The following APBB2 variants were observed in gnomAD, a reference collection of about 807,000 sequenced individuals.
APBB2 encodes the protein Fe65-like 1.
Under a neutral mutation model 82.5 loss-of-function variants are expected in APBB2, and 38 were observed. That is an observed-to-expected ratio of 0.46 (90% CI 0.36 to 0.60). The LOEUF is 0.60. Ranked by LOEUF, APBB2 falls within the 20% of genes least tolerant of loss-of-function variation. The pLI, the probability that APBB2 is intolerant of heterozygous loss-of-function variation, is 0.00. For synonymous variants in APBB2, 341 were observed against 368.2 expected (o/e 0.93, Z 0.85); for missense variants, 772 against 972.3 (o/e 0.79, Z 2.74).
At chr4:40,880,135 G>A in intron 12 of APBB2, 1 of 985,406 alleles carries the variant, frequency 1.0e-6, no homozygotes, top group Non-Finnish European at 1.2e-6. Flanking sequence ...TGGAGACAGT[G>A]GCACACAGAG....
intron 2 of APBB2, among the ~76,000 whole-genome samples, chr4:41,112,742 C>T (rs531194562): frequency 6.6e-6 from 1 of 152,294 alleles, no homozygotes; most frequent in East Asian, 1.9e-4. Context: ...GTAATCCCAG[C>T]ACTTTGGGAG....
At chr4:41,128,219 A>G (rs1754950488) in intron 2 of APBB2, among the ~76,000 whole-genome samples, 1 of 152,230 alleles carries the variant, frequency 6.6e-6, no homozygotes, top group African/African-American at 2.4e-5. Flanking sequence ...ACAATGATAT[A>G]CTGTCTTATA....
In APBB2 at chr4:41,013,950, C is replaced by T. The variant is rs778352305; in HGVS notation, c.468G>A (p.Arg156=). The T allele has an allele frequency of 1.2e-6, 2 of 1,614,046 alleles. No homozygotes were observed. The highest frequency in any genetic ancestry group is 2.7e-5 in the African/African-American group (2 of 74,918). ...SSCEILPSQP[R]RTKSFLNYYA... is the part of the protein sequence containing the mutation. The stretch of plus-strand genomic sequence containing the variant: ...AGTAATTTAGGAAGCTCTTAGTTCT[C>T]CTGGGCTGGGAGGGTAAAATCTCAC... Residue 156 remains arginine, a synonymous_variant, in exon 6 of 18, where the codon AGG becomes AGA. Coordinates refer to ENST00000508593, the MANE Select transcript of APBB2 (RefSeq NM_004307.2).
chr4:40,944,553 C>G (rs1483017654), intron 7 of APBB2, among the ~76,000 whole-genome samples: 1 of 152,156 alleles, frequency 6.6e-6, no homozygotes, highest in East Asian at 1.9e-4. Flanking sequence ...TGCAATGGTA[C>G]CTGCAGAGTA....
chr4:41,082,884 T>G (rs1738156714), intron 3 of APBB2, among the ~76,000 whole-genome samples: 1 of 152,118 alleles, frequency 6.6e-6, no homozygotes, highest in African/African-American at 2.4e-5. Flanking sequence ...AAATATAGGC[T>G]GTGCACGGTG....
intron 10 of APBB2, among the ~76,000 whole-genome samples, chr4:40,919,115 G>A (rs1238825494): frequency 1.3e-5 from 2 of 152,244 alleles, no homozygotes; most frequent in Admixed American, 6.5e-5. Flanking sequence ...TTCCATTGTG[G>A]CTGAACCACT....
rs1553935540 is a variant in APBB2 at position 40,845,613 on chromosome 4, A to AAC, written c.1530-15037_1530-15036insGT. Among the ~76,000 whole-genome samples, 35 of 140,678 alleles carry AAC rather than the reference A, an allele frequency of 2.5e-4. 1 individual carries two copies. Among genetic ancestry groups the AAC allele is most frequent in the Non-Finnish European group, 4.6e-4 (29 of 62,822 alleles). The allele number at this position is 140,678 out of a possible 152,430, so 92.3% of individuals were successfully genotyped here. On this transcript the variant is annotated intron_variant, in intron 12 of 17. Transcript: ENST00000508593. ...CAAAAAAAAAAAAAAAAAAAAAAAA[A>AAC]AACCAGCACACCAGAATGACAATGT...
At chr4:40,923,263 C>T (rs564173809) in intron 10 of APBB2, among the ~76,000 whole-genome samples, 12 of 152,358 alleles carry the variant, frequency 7.9e-5, no homozygotes, top group East Asian at 5.8e-4. Context: ...GCGTGAGCCA[C>T]GGTCGTGCCC....
At chr4:41,021,179 C>A (rs1029948935) in intron 5 of APBB2, among the ~76,000 whole-genome samples, 2 of 152,200 alleles carry the variant, frequency 1.3e-5, no homozygotes, top group African/African-American at 4.8e-5. Flanking sequence ...ACAACTTCTA[C>A]CGAGGACCCC....
intron 12 of APBB2, among the ~76,000 whole-genome samples, chr4:40,847,388 G>C (rs1757982179): frequency 1.3e-5 from 2 of 152,204 alleles, no homozygotes; most frequent in African/African-American, 4.8e-5. Flanking sequence ...CTGCAACCCG[G>C]GAGGTGGAGG....
At chr4:41,077,036 G>C (rs1251385846) in intron 3 of APBB2, among the ~76,000 whole-genome samples, 1 of 150,284 alleles carries the variant, frequency 6.7e-6, no homozygotes, top group Non-Finnish European at 1.5e-5. Flanking sequence ...ACACAGTCTT[G>C]CTCTGTGGCC....
At chr4:40,841,863 A>G (rs1755923592) in intron 12 of APBB2, among the ~76,000 whole-genome samples, 1 of 152,176 alleles carries the variant, frequency 6.6e-6, no homozygotes, top group Non-Finnish European at 1.5e-5. Flanking sequence ...TATTCTTAGT[A>G]GAAATGAGAT....
chr4:40,938,467 T>G (rs891316386), intron 7 of APBB2, among the ~76,000 whole-genome samples: 1 of 152,238 alleles, frequency 6.6e-6, no homozygotes, highest in Non-Finnish European at 1.5e-5. Context: ...TCTTCTTCCA[T>G]GTTTCTCTTC....
intron 6 of APBB2, among the ~76,000 whole-genome samples, chr4:40,964,775 C>CACACACACACACACACACA (rs1170561072): frequency 1.3e-5 from 2 of 151,790 alleles, no homozygotes; most frequent in Non-Finnish European, 2.9e-5. Context: ...CACACACACA[C>CACACACACACACACACACA]AACAATGCAC....
intron 1 of APBB2, among the ~76,000 whole-genome samples, chr4:41,201,445 C>T (rs1451830302): frequency 1.3e-5 from 2 of 152,148 alleles, no homozygotes; most frequent in Non-Finnish European, 2.9e-5. Context: ...AAATATGAAA[C>T]AAAATATGAA....
chr4:41,166,117 G>A lies in APBB2; in HGVS notation c.-416-22975C>T, dbSNP rs369229866. On this transcript the variant is annotated intron_variant, in intron 1 of 17. Transcript: ENST00000508593. ...TCTCAATCTCCTGACCTCGTGATCCGCCCGCCTCGGCCTCCCAAAGTGCTG... is the reference window on the plus strand; with the variant it reads ...TCTCAATCTCCTGACCTCGTGATCCACCCGCCTCGGCCTCCCAAAGTGCTG... Among the ~76,000 whole-genome samples the A allele has an allele frequency of 3.8e-3, 576 of 150,494 alleles. 4 individuals carry two copies. The highest frequency in any genetic ancestry group is 0.021 in the Middle Eastern group (6 of 280).
chr4:41,113,389 C>T (rs186143860), intron 2 of APBB2, among the ~76,000 whole-genome samples: 3 of 152,036 alleles, frequency 2.0e-5, no homozygotes, highest in Admixed American at 6.6e-5. Flanking sequence ...AGGTAAGAGG[C>T]ATAACAATGC....
intron 12 of APBB2, among the ~76,000 whole-genome samples, chr4:40,837,658 C>G (rs1351677085): frequency 1.3e-5 from 2 of 152,228 alleles, no homozygotes; most frequent in African/African-American, 4.8e-5. Context: ...TCATGCCATA[C>G]CCTAGCCATT....
At position 40,823,592 on chromosome 4, in the gene APBB2, T is replaced by C. The variant is rs1029812169; in HGVS notation, c.1932+52A>G. Reference sequence around the variant, plus strand: ...CTAAGTTCCACAGAAAACCACTGTATCTTATACTCACTGTATAAGACACAC... The same window carrying C: ...CTAAGTTCCACAGAAAACCACTGTACCTTATACTCACTGTATAAGACACAC... On this transcript the variant is annotated intron_variant, in intron 16 of 17. Coordinates refer to ENST00000508593, the MANE Select transcript of APBB2 (RefSeq NM_004307.2). The C allele has an allele frequency of 2.4e-5, 31 of 1,305,588 alleles. No individual in the cohort carries two copies. The Admixed American group carries it at 3.5e-4, about 15-fold the overall frequency. 80.9% of individuals were successfully genotyped at this position (1,305,588 alleles called of 1,614,324 possible).
Sources: allele counts gnomAD v4.1 joint callset (sites outside exome capture counted in the v4.1 genomes callset), GRCh38; gene constraint gnomAD v4.1.1; transcripts MANE v1.5; gene names NCBI Gene and HGNC (gene_info 2026-07-23, HGNC 2026-07-21).